Variants in ARRDC2 observed in about 807,000 individuals in gnomAD.
ARRDC2 encodes the protein arrestin domain containing 2, also known as arrestin domain-containing protein 2.
Under a neutral mutation model 38.9 loss-of-function variants are expected in ARRDC2, and 39 were observed. That is an observed-to-expected ratio of 1.00 (90% confidence interval 0.78 to 1.31). The LOEUF (loss-of-function observed/expected upper bound fraction) is 1.31, where lower values mean the gene tolerates loss of function less well. Ranked by LOEUF, ARRDC2 falls within the 50% of genes most tolerant of loss-of-function variation. The pLI is 0.00. For synonymous variants in ARRDC2, 300 were observed against 261.9 expected, an observed-to-expected ratio of 1.15 and a Z score of -1.41; for missense variants, 553 against 588.4, an observed-to-expected ratio of 0.94 and a Z score of 0.62.
rs551142332 is a variant in ARRDC2, at chr19:18,014,015, G to A, written c.*1049G>A. The A allele has an allele frequency of 1.1e-4, 16 of 152,128 alleles. No individual in the cohort carries two copies. The highest frequency in any genetic ancestry group is 2.6e-4 in the Admixed American group (4 of 15,282). The allele number at this position is 152,128 out of a possible 1,614,324, so 9.4% of individuals were successfully genotyped here. A position where few individuals can be genotyped will look rare whatever the true frequency, so the allele number is the denominator to read the frequency against. Reference sequence around the variant, plus strand: ...CCAGCCCTGGCTGGGGCAGGGCCCCGGCCTGGGACTCAGCATTTCTGATAT... The same window carrying A: ...CCAGCCCTGGCTGGGGCAGGGCCCCAGCCTGGGACTCAGCATTTCTGATAT... On this transcript the variant is annotated 3_prime_UTR_variant, in exon 8 of 8. Coordinates refer to ENST00000222250, the MANE Select transcript of ARRDC2 (RefSeq NM_015683.2).
Position 18,009,867 on chromosome 19 carries a change from C to A in ARRDC2, c.677C>A (p.Thr226Lys), listed in dbSNP as rs368342673. ...CGGGCAGCCGTGGTGCAGACACAGA[C>A]GTTCATGGCCCGAGGCGCCCGAAAG... ...LPRAAVVQTQ[T>K]FMARGARKQK... The change falls in exon 5 of 8, where the codon ACG becomes AAG. Residue 226 changes from threonine (T) to lysine (K), a missense_variant. By Grantham distance (78) the Thr-to-Lys change is moderately conservative (BLOSUM62 -1). Transcript: ENST00000222250. The A allele has an allele frequency of 6.2e-7, 1 of 1,611,838 alleles. No individual in the cohort carries two copies. Among genetic ancestry groups the A allele is most frequent in the South Asian group, 1.1e-5 (1 of 91,084 alleles).
At chr19:18,009,409 C>A in intron 3 of ARRDC2, 183 bp from the exon 4 acceptor site, 1 of 645,386 alleles carries the variant, frequency 1.5e-6, no homozygotes, top group East Asian at 2.8e-5. Flanking sequence ...TTATACATTT[C>A]ATTTCTGGCT....
intron 2 of ARRDC2, 43 bp downstream of exon 2, chr19:18,008,820 C>T (rs753622086): frequency 6.2e-7 from 1 of 1,608,814 alleles, no homozygotes; most frequent in South Asian, 1.1e-5. Flanking sequence ...CCTGCAGCCC[C>T]TTCCAGATTG....
At chr19:18,005,930 G>A (rs1422724140), upstream of ARRDC2, among the ~76,000 whole-genome samples, 1 of 149,038 alleles carries the variant, frequency 6.7e-6, no homozygotes, top group Non-Finnish European at 1.5e-5. Context: ...GGGCAGAGAC[G>A]CTCCTCACCT....
chr19:18,008,132 C>CCCCCCCCCCAAAAAAA, upstream of ARRDC2: 5 of 1,268,364 alleles, frequency 3.9e-6, no homozygotes, highest in Non-Finnish European at 5.1e-6. Context: ...CCCCCCCCCG[C>CCCCCCCCCCAAAAAAA]CCTGCCGTAT....
At chr19:18,005,534 G>A (rs2033254996), upstream of ARRDC2, among the ~76,000 whole-genome samples, 1 of 152,000 alleles carries the variant, frequency 6.6e-6, no homozygotes, top group Non-Finnish European at 1.5e-5. Flanking sequence ...TGGTGGCCGG[G>A]CAGAGGGGCT....
Position 18,001,654 on chromosome 19 carries a change from C to G in ARRDC2, c.259+81C>G, listed in dbSNP as rs1472090897. 7 of 1,240,806 alleles carry G rather than the reference C, an allele frequency of 5.6e-6. No individual in the cohort carries two copies. In the South Asian group the frequency reaches 9.3e-5, roughly 17 times the overall value. The allele number at this position is 1,240,806 out of a possible 1,614,324, so 76.9% of individuals were successfully genotyped here. ...CTCTTCAGGGCCGGAAGCCTCTCAA[C>G]TTAGAACCTATGCGGTCGGGTGATC... On this transcript the variant is annotated intron_variant, in intron 1 of 7. Transcript: ENST00000379656.
chr19:18,004,537 G>A (rs1313177148), upstream of ARRDC2, among the ~76,000 whole-genome samples: 5 of 149,272 alleles, frequency 3.3e-5, no homozygotes, highest in African/African-American at 1.2e-4. Context: ...GTGAGCCACC[G>A]CGCCCGGCCA....
Position 18,010,699 on chromosome 19 carries a change from C to T in ARRDC2, c.1140C>T (p.Phe380=). The change falls in exon 7 of 8, where the codon TTC becomes TTT. Residue 380 remains phenylalanine, a synonymous_variant. Transcript: ENST00000222250. ...EGPFFAYIQE[F]RYRPPPLYSE... is the part of the protein sequence containing the mutation. The stretch of plus-strand genomic sequence containing the variant: ...CGTTCTTCGCCTACATCCAAGAGTT[C>T]CGCTACCGCCCGCCACCCCTGTACT... The T allele has an allele frequency of 1.9e-6, 3 of 1,613,854 alleles. No homozygotes were observed. Among genetic ancestry groups the T allele is most frequent in the Non-Finnish European group, 2.5e-6 (3 of 1,180,036 alleles).
At position 18,009,765 on chromosome 19, in the gene ARRDC2, C is replaced by CACTGA. The variant is rs753210297; in HGVS notation, c.593-14_593-13insAACTG. 8 of 1,613,010 alleles carry CACTGA rather than the reference C, an allele frequency of 5.0e-6. No individual in the cohort carries two copies. The highest frequency in any genetic ancestry group is 5.1e-6 in the Non-Finnish European group (6 of 1,179,810). On this transcript the variant is annotated splice_polypyrimidine_tract_variant and intron_variant, in intron 4 of 7. Coordinates refer to ENST00000222250, the MANE Select transcript of ARRDC2 (RefSeq NM_015683.2). ...GTTGCAGGAGGGGAAACTGAGGCCC[C>CACTGA]ACTGCTCCTTGCTGCAGGAGAGGTC...
intron 2 of ARRDC2, 63 bp downstream of exon 2, chr19:18,008,840 A>T: frequency 1.9e-6 from 3 of 1,601,632 alleles, no homozygotes; most frequent in South Asian, 2.2e-5. Flanking sequence ...GGTACCTCCA[A>T]TACTGGATAT....
chr19:18,008,459 G>A lies in ARRDC2; in HGVS notation c.149G>A (p.Arg50His). Reference protein sequence around the residue: ...SAARVGALRLRARGRAHVHWT... With the variant: ...SAARVGALRLHARGRAHVHWT... Reference sequence around the variant, plus strand: ...GCGCGTGTGGGTGCCCTGAGGCTGCGCGCGCGGGGCCGCGCCCACGTGCAC... The same window carrying A: ...GCGCGTGTGGGTGCCCTGAGGCTGCACGCGCGGGGCCGCGCCCACGTGCAC... The change falls in exon 1 of 8, where the codon CGC becomes CAC. Residue 50 changes from arginine to histidine, a missense_variant. Arg to His is a conservative substitution (Grantham distance 29, BLOSUM62 0). Transcript: ENST00000222250. 3.9e-6 allele frequency: 6 copies of A among 1,537,368 alleles called. No individual in the cohort carries two copies. Among genetic ancestry groups the A allele is most frequent in the Non-Finnish European group, 5.2e-6 (6 of 1,149,290 alleles).
At chr19:18,003,890 C>T (rs1263055285), upstream of ARRDC2, among the ~76,000 whole-genome samples, 2 of 151,982 alleles carry the variant, frequency 1.3e-5, no homozygotes, top group Admixed American at 6.6e-5. Flanking sequence ...CTGCCCGCCT[C>T]GGCCTCCCAA....
At position 18,009,175 on chromosome 19, in the gene ARRDC2, G is replaced by A. The variant is rs1599398523; in HGVS notation, c.489+57G>A. 6 of 1,581,478 alleles carry A rather than the reference G, an allele frequency of 3.8e-6. No homozygotes were observed. In the East Asian group the frequency reaches 1.4e-4, roughly 36 times the overall value. On this transcript the variant is annotated intron_variant, in intron 3 of 7. Transcript: ENST00000222250. Reference sequence around the variant, plus strand: ...GAGTATTGTAGGAAGGGGCCTGCCTGGCTGCTGGGCGACACCAACCAATAA... The same window carrying A: ...GAGTATTGTAGGAAGGGGCCTGCCTAGCTGCTGGGCGACACCAACCAATAA...
At chr19:18,011,118 C>T (rs1269746256) in intron 7 of ARRDC2, among the ~76,000 whole-genome samples, 1 of 152,188 alleles carries the variant, frequency 6.6e-6, no homozygotes, top group Non-Finnish European at 1.5e-5. Context: ...CTGCCTCAGC[C>T]TTCCGAGTAG....
chr19:18,001,228 G>A (rs1030385605), exon 1 of ARRDC2: 7 of 1,112,824 alleles, frequency 6.3e-6, no homozygotes, highest in Non-Finnish European at 7.7e-6. Flanking sequence ...CGCGACGGGG[G>A]AACGCGGAAA....
At chr19:18,009,566 C>G in intron 3 of ARRDC2, 26 bp from the exon 4 acceptor site, 2 of 1,560,108 alleles carry the variant, frequency 1.3e-6, no homozygotes, top group Non-Finnish European at 1.7e-6. Flanking sequence ...GTGACTCATC[C>G]ATGTCACTTT....
chr19:18,004,496 C>A (rs1159425974), upstream of ARRDC2, among the ~76,000 whole-genome samples: 3 of 150,696 alleles, frequency 2.0e-5, no homozygotes, highest in Non-Finnish European at 4.4e-5. Flanking sequence ...ATCCGCCTGC[C>A]TCGGCCTCCC....
upstream of ARRDC2, among the ~76,000 whole-genome samples, chr19:18,005,633 C>T (rs1406160152): frequency 2.1e-4 from 31 of 148,994 alleles, no homozygotes; most frequent in African/African-American, 6.8e-4. Context: ...GACCCCCCGA[C>T]CTCCCTCCCG....
Sources: allele counts gnomAD v4.1 joint callset (sites outside exome capture counted in the v4.1 genomes callset), GRCh38; gene constraint gnomAD v4.1.1; transcripts MANE v1.5; gene names NCBI Gene and HGNC (gene_info 2026-07-23, HGNC 2026-07-21).